CLNK: variants seen among roughly 807,000 people sequenced by gnomAD.
The protein encoded by CLNK is cytokine-dependent hematopoietic cell linker.
CLNK carries 74 observed loss-of-function variants against 68.6 expected under a neutral mutation model. The ratio of observed to expected loss-of-function variants is 1.08; its 90% CI spans 0.89 to 1.31. CLNK has a LOEUF of 1.31. CLNK is among the 50% of genes most tolerant of loss of function. The pLI, the probability that CLNK is intolerant of heterozygous loss-of-function variation, is 0.00. For synonymous variants in CLNK, 198 were observed against 172.2 expected (o/e 1.15, Z -1.17); for missense variants, 553 against 515.3 (o/e 1.07, Z -0.71).
chr4:10,600,605 T>C (rs529817013), intron 2 of CLNK, among the ~76,000 whole-genome samples: 89 of 152,316 alleles, frequency 5.8e-4, no homozygotes, highest in Non-Finnish European at 1.1e-3. Context: ...GGCATCTTTT[T>C]CTCTCCTAGA....
At chr4:10,497,091 G>A (rs1293756045) in intron 18 of CLNK, among the ~76,000 whole-genome samples, 3 of 152,156 alleles carry the variant, frequency 2.0e-5, no homozygotes, top group African/African-American at 7.2e-5. Flanking sequence ...CCGCATCCCA[G>A]AATTGCCGTT....
intron 2 of CLNK, among the ~76,000 whole-genome samples, chr4:10,611,682 G>A (rs773824294): frequency 7.2e-5 from 11 of 152,048 alleles, no homozygotes; most frequent in Non-Finnish European, 5.9e-5. Context: ...AACAAGGTAG[G>A]GGAGGGAAAT....
intron 7 of CLNK, among the ~76,000 whole-genome samples, chr4:10,559,745 C>G (rs1277686316): frequency 6.6e-6 from 1 of 152,066 alleles, no homozygotes; most frequent in Non-Finnish European, 1.5e-5. Flanking sequence ...GGGCAATTCC[C>G]AACTTCTGTC....
At chr4:10,702,924 C>T in the CLNK span, among the ~76,000 whole-genome samples, 4 of 152,080 alleles carry the variant, frequency 2.6e-5, no homozygotes, top group Non-Finnish European at 5.9e-5. Context: ...ATCTGAGGAG[C>T]CAGCACCTTA....
chr4:10,566,217 G>A (rs767603166), intron 5 of CLNK, 67 bp from the exon 6 acceptor site: 99 of 1,513,468 alleles, frequency 6.5e-5, no homozygotes, highest in Non-Finnish European at 8.4e-5. Context: ...AGGCTACAGT[G>A]CTGGCTAGAG....
the CLNK span, among the ~76,000 whole-genome samples, chr4:10,712,169 C>T: frequency 6.6e-6 from 1 of 151,998 alleles, no homozygotes; most frequent in East Asian, 1.9e-4. Context: ...ATTGTGAGAC[C>T]TTTACCCCTC....
chr4:10,626,415 C>G (rs1356273029), intron 2 of CLNK, among the ~76,000 whole-genome samples: 6 of 152,154 alleles, frequency 3.9e-5, no homozygotes, highest in Non-Finnish European at 8.8e-5. Context: ...GTCATTTATT[C>G]GCACCAAATT....
chr4:10,498,571 T>C (rs1333373164), intron 18 of CLNK, among the ~76,000 whole-genome samples: 5 of 152,070 alleles, frequency 3.3e-5, no homozygotes, highest in Non-Finnish European at 5.9e-5. Flanking sequence ...AGAGAAGATA[T>C]AGAAGGATAA....
At chr4:10,672,369 C>G (rs1724682163) in intron 1 of CLNK, among the ~76,000 whole-genome samples, 1 of 152,162 alleles carries the variant, frequency 6.6e-6, no homozygotes, top group Non-Finnish European at 1.5e-5. Context: ...AACTGTTTAA[C>G]CATTCTGAGC....
chr4:10,607,524 A>G (rs1721836145), intron 2 of CLNK, among the ~76,000 whole-genome samples: 1 of 152,202 alleles, frequency 6.6e-6, no homozygotes, highest in African/African-American at 2.4e-5. Context: ...AAAGTACAGT[A>G]TCTCCTTGTG....
intron 11 of CLNK, 80 bp from the exon 12 acceptor site, chr4:10,532,363 C>T (rs1718579212): frequency 8.5e-7 from 1 of 1,176,850 alleles, no homozygotes; most frequent in Non-Finnish European, 1.2e-6. Context: ...CCTTACAAAC[C>T]TTTCATTACA....
chr4:10,614,548 A>AAAG (rs1722150927), intron 2 of CLNK, among the ~76,000 whole-genome samples: 1 of 152,210 alleles, frequency 6.6e-6, no homozygotes. Context: ...CTTGCTAGTC[A>AAAG]AAGTGTGGTT....
At chr4:10,648,533 A>G (rs973812158) in intron 2 of CLNK, among the ~76,000 whole-genome samples, 1 of 152,202 alleles carries the variant, frequency 6.6e-6, no homozygotes, top group Admixed American at 6.5e-5. Flanking sequence ...ATAGTCATCT[A>G]TCTTCATGAT....
intron 4 of CLNK, among the ~76,000 whole-genome samples, chr4:10,578,579 CTTTTTTT>C (rs5856062): frequency 0.01 from 463 of 44,960 alleles, 3 homozygotes; most frequent in African/African-American, 0.038. Flanking sequence ...CTTACCTTAT[CTTTTTTT>C]TTTTTTTTTT....
intron 3 of CLNK, 52 bp from the exon 4 acceptor site, chr4:10,585,007 AC>A: frequency 6.3e-7 from 1 of 1,584,408 alleles, no homozygotes; most frequent in Non-Finnish European, 8.6e-7. Flanking sequence ...ACCTCCACCG[AC>A]CCCCCGCCAC....
At chr4:10,729,651 A>T in the CLNK span, among the ~76,000 whole-genome samples, 3 of 152,288 alleles carry the variant, frequency 2.0e-5, no homozygotes, top group East Asian at 5.8e-4. Context: ...ACTAGAAGCC[A>T]TTATCTCAAG....
the CLNK span, among the ~76,000 whole-genome samples, chr4:10,714,335 T>A: frequency 3.9e-5 from 6 of 152,204 alleles, no homozygotes; most frequent in African/African-American, 7.2e-5. Context: ...CTACCCTCCA[T>A]GAAAAACTTA....
At position 10,652,577 on chromosome 4, in the gene CLNK, T is replaced by G. The variant is rs1299314031; in HGVS notation, c.11+15282A>C. 5.9e-5 allele frequency among the ~76,000 whole-genome samples: 9 copies of G among 152,082 alleles called. No individual in the cohort carries two copies. The East Asian group carries it at 1.7e-3, about 29-fold the overall frequency. On this transcript the variant is annotated intron_variant, in intron 2 of 18. Transcript: ENST00000226951. ...TATATTAATGGCAGGCAAAATAAACTCTTCAGGAAAAGATGTTTTTCCCAA... is the reference window on the plus strand; with the variant it reads ...TATATTAATGGCAGGCAAAATAAACGCTTCAGGAAAAGATGTTTTTCCCAA...
intron 2 of CLNK, among the ~76,000 whole-genome samples, chr4:10,616,221 A>T (rs1394063627): frequency 6.6e-6 from 1 of 152,228 alleles, no homozygotes; most frequent in Non-Finnish European, 1.5e-5. Context: ...AATTTAGTGA[A>T]GTAATATTTG....
Sources: gnomAD v4.1 joint callset for allele counts (sites outside exome capture counted in the v4.1 genomes callset) on GRCh38, gnomAD v4.1.1 for gene constraint, MANE v1.5 for transcripts, NCBI Gene and HGNC (gene_info 2026-07-23, HGNC 2026-07-21) for gene names.